The following NTRK2 variants were observed in gnomAD, a reference collection of about 807,000 sequenced individuals.
NTRK2 encodes neurotrophic receptor tyrosine kinase 2, also known as BDNF/NT-3 growth factors receptor.
Under a neutral mutation model 94.5 loss-of-function variants are expected in NTRK2, and 13 were observed. The observed-to-expected ratio is 0.14, with a 90% CI of 0.09 to 0.22. NTRK2 has a LOEUF of 0.22. Among genes scored for constraint, NTRK2 ranks in the 10% least tolerant of loss-of-function variants. NTRK2 has a pLI of 1.00. For missense variants in NTRK2, 639 were observed against 1,071.2 expected, an observed-to-expected ratio of 0.60 and a Z score of 5.63; for synonymous variants, 372 against 407.4, an observed-to-expected ratio of 0.91 and a Z score of 1.05.
At chr9:84,903,008 C>A (rs2076976564) in intron 14 of NTRK2, among the ~76,000 whole-genome samples, 1 of 152,156 alleles carries the variant, frequency 6.6e-6, no homozygotes, top group Admixed American at 6.5e-5. Context: ...CCCTAGCCTG[C>A]CTCATTATAG....
intron 9 of NTRK2, among the ~76,000 whole-genome samples, chr9:84,735,921 G>T (rs576638517): frequency 3.1e-4 from 47 of 152,284 alleles, no homozygotes; most frequent in Non-Finnish European, 4.7e-4. Context: ...AGAAATTAAT[G>T]GCAGAGAGAT....
intron 14 of NTRK2, among the ~76,000 whole-genome samples, chr9:84,892,807 A>G (rs534928588): frequency 1.2e-4 from 19 of 152,212 alleles, no homozygotes; most frequent in African/African-American, 4.3e-4. Context: ...CTGTAATCCC[A>G]GCTACTCGGG....
intron 15 of NTRK2, among the ~76,000 whole-genome samples, chr9:84,937,242 G>A (rs986277037): frequency 2.6e-5 from 4 of 152,172 alleles, no homozygotes; most frequent in African/African-American, 4.8e-5. Flanking sequence ...AGTGACTGCC[G>A]GGCTTGCTCC....
chr9:84,690,148 C>T (rs879317621), intron 2 of NTRK2, among the ~76,000 whole-genome samples: 1 of 152,170 alleles, frequency 6.6e-6, no homozygotes, highest in African/African-American at 2.4e-5. Context: ...GAATTTCACT[C>T]CCTTTCCTTA....
At chr9:84,995,463 C>G (rs1212167201) in intron 17 of NTRK2, among the ~76,000 whole-genome samples, 2 of 152,028 alleles carry the variant, frequency 1.3e-5, no homozygotes, top group Non-Finnish European at 2.9e-5. Flanking sequence ...CCCAGTTGCC[C>G]AAATGAATAA....
chr9:84,748,733 T>C (rs77349117), intron 11 of NTRK2, among the ~76,000 whole-genome samples: 2,830 of 152,326 alleles, frequency 0.019, 82 homozygotes, highest in African/African-American at 0.064. Context: ...TCCATCTATC[T>C]GTAGAAGTCT....
intron 2 of NTRK2, 151 bp from the exon 3 acceptor site, chr9:84,702,008 T>G: frequency 2.9e-6 from 2 of 695,656 alleles, no homozygotes; most frequent in Non-Finnish European, 5.2e-6. Context: ...TCATGCTCAG[T>G]TTTGCTCTAC....
intron 12 of NTRK2, among the ~76,000 whole-genome samples, chr9:84,848,226 A>G (rs559280563): frequency 1.8e-4 from 27 of 152,178 alleles, no homozygotes; most frequent in Non-Finnish European, 4.0e-4. Flanking sequence ...CTATCTCCAA[A>G]TATAGTCACA....
At chr9:84,961,073 G>C (rs1018924161) in intron 17 of NTRK2, among the ~76,000 whole-genome samples, 1 of 152,242 alleles carries the variant, frequency 6.6e-6, no homozygotes, top group South Asian at 2.1e-4. Flanking sequence ...CAACATTTTC[G>C]TTGCAGTGAA....
intron 12 of NTRK2, among the ~76,000 whole-genome samples, chr9:84,777,995 C>T (rs1453123120): frequency 3.3e-5 from 5 of 152,190 alleles, no homozygotes; most frequent in African/African-American, 1.2e-4. Context: ...GGTGCAGTGG[C>T]TCACGCCTGT....
chr9:84,681,796 A>G (rs1237575900), intron 2 of NTRK2, among the ~76,000 whole-genome samples: 1 of 152,162 alleles, frequency 6.6e-6, no homozygotes, highest in Admixed American at 6.5e-5. Flanking sequence ...TGTCTCTTAA[A>G]ATAATGCCTA....
At chr9:84,829,811 C>G (rs1445210763) in intron 12 of NTRK2, among the ~76,000 whole-genome samples, 1 of 152,182 alleles carries the variant, frequency 6.6e-6, no homozygotes, top group Non-Finnish European at 1.5e-5. Flanking sequence ...TAAACCCCAT[C>G]TTTTTCTTTT....
chr9:84,873,617 G>A (rs1232407242), intron 14 of NTRK2: 1 of 1,052,970 alleles, frequency 9.5e-7, no homozygotes, highest in African/African-American at 1.7e-5. Flanking sequence ...TTTCTTAAAA[G>A]AAAGGAAATG....
chr9:85,017,947 GA>G (rs1331872080), intron 17 of NTRK2, among the ~76,000 whole-genome samples: 2 of 152,190 alleles, frequency 1.3e-5, no homozygotes, highest in African/African-American at 4.8e-5. Flanking sequence ...AGGTTAAAAT[GA>G]GAGAGGTAAG....
At chr9:84,812,261 A>T in intron 12 of NTRK2, 1 of 1,056,674 alleles carries the variant, frequency 9.5e-7, no homozygotes, top group Non-Finnish European at 1.1e-6. Context: ...CATCCTTTAC[A>T]TTAGCCACTA....
intron 12 of NTRK2, among the ~76,000 whole-genome samples, chr9:84,759,015 A>G (rs1465578034): frequency 6.6e-6 from 1 of 152,222 alleles, no homozygotes; most frequent in Non-Finnish European, 1.5e-5. Context: ...CCCAGCTTCA[A>G]GTGGAGTTCA....
intron 17 of NTRK2, among the ~76,000 whole-genome samples, chr9:85,014,681 T>G (rs954344160): frequency 2.6e-5 from 4 of 152,226 alleles, no homozygotes; most frequent in African/African-American, 9.6e-5. Context: ...TCCATTCTGA[T>G]TTAAATATAA....
At chr9:84,771,232 C>G (rs1362993421) in intron 12 of NTRK2, among the ~76,000 whole-genome samples, 1 of 152,120 alleles carries the variant, frequency 6.6e-6, no homozygotes, top group East Asian at 1.9e-4. Flanking sequence ...GATTTGAGAG[C>G]AGGAGATGGA....
At chr9:84,774,511 AAGGCTGTTC>A (rs1336248300) in intron 12 of NTRK2, among the ~76,000 whole-genome samples, 1 of 152,202 alleles carries the variant, frequency 6.6e-6, no homozygotes, top group Non-Finnish European at 1.5e-5. Context: ...CCAAAGCTGC[AAGGCTGTTC>A]CAGGTGGTAC....
Sources: allele counts gnomAD v4.1 joint callset (sites outside exome capture counted in the v4.1 genomes callset), GRCh38; gene constraint gnomAD v4.1.1; transcripts MANE v1.5; gene names NCBI Gene and HGNC (gene_info 2026-07-23, HGNC 2026-07-21).